The following KANSL1 variants were observed in gnomAD, a reference collection of about 807,000 sequenced individuals.
KANSL1 encodes KAT8 regulatory NSL complex subunit 1, also known as MLL1/MLL complex subunit KANSL1.
A neutral mutation model predicts 103.6 loss-of-function variants in KANSL1; 22 were observed. That is an observed-to-expected ratio of 0.21 (90% CI 0.15 to 0.30). The LOEUF is 0.30. KANSL1 is among the 10% of genes least tolerant of loss of function. The probability of loss-of-function intolerance (pLI) is 1.00; values close to 1 mark genes in which losing one functional copy is unlikely to be tolerated. For synonymous variants in KANSL1, 600 were observed against 527.6 expected (o/e 1.14, Z -1.88); for missense variants, 1,337 against 1,399.8 (o/e 0.96, Z 0.72).
At chr17:46,122,912 CCTCTT>C (rs752729106) in intron 2 of KANSL1, among the ~76,000 whole-genome samples, 4 of 152,220 alleles carry the variant, frequency 2.6e-5, no homozygotes, top group Admixed American at 6.5e-5. Context: ...CTCTCCCTCT[CCTCTT>C]GTTTCCCTAT....
At chr17:46,189,941 T>C (rs1318079020) in intron 1 of KANSL1, among the ~76,000 whole-genome samples, 1 of 149,182 alleles carries the variant, frequency 6.7e-6, no homozygotes, top group Non-Finnish European at 1.5e-5. Context: ...TTGCCTGATA[T>C]AACAAGGTAA....
rs71138522 is a variant in KANSL1, at chr17:46,074,763, C to CTAAATAAA, written c.1534-7104_1534-7097dup. Among the ~76,000 whole-genome samples, 1,319 of 142,606 alleles carry CTAAATAAA rather than the reference C, an allele frequency of 9.2e-3. 7 individuals are homozygous for CTAAATAAA. Among genetic ancestry groups the CTAAATAAA allele is most frequent in the East Asian group, 0.029 (141 of 4,822 alleles). 93.6% of individuals were successfully genotyped at this position (142,606 alleles called of 152,430 possible). ...TGGGTGACAAAGTGAGACCCTATCT[C>CTAAATAAA]TAAATAAATAAATAAATAAATAAAT... is the stretch of plus-strand genomic sequence containing the variant. On this transcript the variant is annotated intron_variant, in intron 4 of 14. Coordinates refer to ENST00000432791, the MANE Select transcript of KANSL1 (RefSeq NM_015443.4).
intron 3 of KANSL1, among the ~76,000 whole-genome samples, chr17:46,091,812 A>AGTATGTATGTATGTATGTATGTAGGTAT (rs149207902): frequency 0.14 from 20,670 of 151,260 alleles, 2,036 homozygotes; most frequent in Middle Eastern, 0.21. Flanking sequence ...TATATATGTA[A>AGTATGTATGTATGTATGTATGTAGGTAT]GTATGTATGT....
intron 2 of KANSL1, among the ~76,000 whole-genome samples, chr17:46,118,589 A>T (rs1011794839): frequency 6.6e-6 from 1 of 152,178 alleles, no homozygotes; most frequent in South Asian, 2.1e-4. Flanking sequence ...TTTCTAGCAG[A>T]TTTCTAGGTG....
intron 1 of KANSL1, among the ~76,000 whole-genome samples, chr17:46,185,692 TACACACACACACACACAC>T (rs58833932): frequency 4.2e-5 from 6 of 144,410 alleles, no homozygotes; most frequent in African/African-American, 1.1e-4. Context: ...CACACATATA[TACACACACACACACACAC>T]ACACACACAC....
chr17:46,146,556 G>A (rs979235780), intron 2 of KANSL1, among the ~76,000 whole-genome samples: 10 of 112,574 alleles, frequency 8.9e-5, no homozygotes, highest in East Asian at 3.9e-4. Context: ...AGTTGAGGCC[G>A]GGCGCGGTGG....
chr17:46,189,031 C>CAAAAAAAAAAAAAAA lies in KANSL1; in HGVS notation c.-90+3777_-90+3791dup, dbSNP rs57566816. On this transcript the variant is annotated intron_variant, in intron 1 of 14. Transcript: ENST00000432791. ...CTGGGCAACAGAGCAAAGATTGTCT[C>CAAAAAAAAAAAAAAA]AAAAAAAAAAAAAAAAAAAAAAAAA... is the stretch of plus-strand genomic sequence containing the variant. 3.5e-4 allele frequency among the ~76,000 whole-genome samples: 22 copies of CAAAAAAAAAAAAAAA among 62,382 alleles called. 5 individuals carry two copies. The highest frequency in any genetic ancestry group is 1.4e-3 in the East Asian group (2 of 1,382). 40.9% of individuals were successfully genotyped at this position (62,382 alleles called of 152,430 possible).
chr17:46,110,498 C>T (rs1039904440), intron 2 of KANSL1, among the ~76,000 whole-genome samples: 24 of 152,160 alleles, frequency 1.6e-4, no homozygotes, highest in African/African-American at 5.8e-4. Context: ...ACACCACTAA[C>T]AAGCAGAGCC....
rs140274998 is a variant in KANSL1, at chr17:46,109,151, T to G, written c.1290-14450A>C. Among the ~76,000 whole-genome samples, 98 of 152,306 alleles carry G rather than the reference T, an allele frequency of 6.4e-4. No homozygotes were observed. The East Asian group carries it at 0.017, about 26-fold the overall frequency. ...TTCATAGAAATGGAGCCTCACGATG[T>G]TGCCCAGGCTGGTCTCAAACTCCTA... On this transcript the variant is annotated intron_variant, in intron 2 of 14. Coordinates refer to ENST00000432791, the MANE Select transcript of KANSL1 (RefSeq NM_015443.4).
At chr17:46,158,654 C>T (rs1489186944) in intron 2 of KANSL1, among the ~76,000 whole-genome samples, 2 of 152,242 alleles carry the variant, frequency 1.3e-5, no homozygotes, top group Non-Finnish European at 2.9e-5. Flanking sequence ...GATTCTCCTG[C>T]CTCAGCGTCC....
At chr17:46,092,011 G>C (rs62061770) in intron 3 of KANSL1, among the ~76,000 whole-genome samples, 21,632 of 151,844 alleles carry the variant, frequency 0.14, 2,122 homozygotes, top group Non-Finnish European at 0.22. Flanking sequence ...TAGAGACAGG[G>C]GTTTCACCAT....
intron 2 of KANSL1, among the ~76,000 whole-genome samples, chr17:46,122,822 CCG>C (rs1277361893): frequency 2.6e-5 from 4 of 152,190 alleles, no homozygotes; most frequent in Admixed American, 6.5e-5. Flanking sequence ...GTACCACGAA[CCG>C]CACCCATAAA....
chr17:46,164,360 A>G (rs34330925), intron 2 of KANSL1, among the ~76,000 whole-genome samples: 23,482 of 151,816 alleles, frequency 0.15, 2,647 homozygotes, highest in East Asian at 0.42. Flanking sequence ...TCTTCTCAGG[A>G]AAAAAATGAG....
chr17:46,166,881 C>CT (rs2046028090), intron 2 of KANSL1, among the ~76,000 whole-genome samples: 2 of 152,086 alleles, frequency 1.3e-5, no homozygotes, highest in African/African-American at 4.8e-5. Flanking sequence ...TCCCTGAGGT[C>CT]TTTATAAAGA....
At chr17:46,186,031 G>GTT (rs1200922439) in intron 1 of KANSL1, among the ~76,000 whole-genome samples, 1 of 152,156 alleles carries the variant, frequency 6.6e-6, no homozygotes, top group African/African-American at 2.4e-5. Context: ...AATGGTTGGT[G>GTT]TAAGTGCTCC....
chr17:46,096,311 C>CTTT lies in KANSL1; in HGVS notation c.1290-1613_1290-1611dup, dbSNP rs71138525. Among the ~76,000 whole-genome samples, 254 of 76,366 alleles carry CTTT rather than the reference C, an allele frequency of 3.3e-3. 10 individuals carry two copies. The highest frequency in any genetic ancestry group is 8.7e-3 in the African/African-American group (156 of 17,830). 50.1% of individuals were successfully genotyped at this position (76,366 alleles called of 152,430 possible). On this transcript the variant is annotated intron_variant, in intron 2 of 14. Coordinates refer to ENST00000432791, the MANE Select transcript of KANSL1 (RefSeq NM_015443.4). ...CATACTACATACCTGGCTTTTTTTT[C>CTTT]TTTTTTTTTTTTTTTTTTTTTGAGA...
intron 8 of KANSL1, 175 bp downstream of exon 8, chr17:46,039,527 C>T (rs867261416): frequency 9.8e-6 from 7 of 710,954 alleles, no homozygotes; most frequent in Middle Eastern, 4.0e-4. Flanking sequence ...GAATAGCTCC[C>T]GAAGTCCATC....
At position 46,192,917 on chromosome 17, in the gene KANSL1, G is replaced by T. The variant is rs529742338; in HGVS notation, c.-184C>A. ...CCGGCCTGGGCGCCGAGGGCCAGCG[G>T]CGGGCGGGGGCGCGCGACGGCGGCT... On this transcript the variant is annotated 5_prime_UTR_variant, in exon 1 of 15. Coordinates refer to ENST00000432791, the MANE Select transcript of KANSL1 (RefSeq NM_015443.4). 6.6e-6 allele frequency: 1 copy of T among 151,518 alleles called. No homozygotes were observed. The highest frequency in any genetic ancestry group is 2.4e-5 in the African/African-American group (1 of 41,418). 9.4% of individuals were successfully genotyped at this position (151,518 alleles called of 1,614,324 possible). A position where few individuals can be genotyped will look rare whatever the true frequency, so the allele number is the denominator to read the frequency against.
At chr17:46,206,813 A>G (rs1027937671) in intron 1 of KANSL1, among the ~76,000 whole-genome samples, 1 of 152,232 alleles carries the variant, frequency 6.6e-6, no homozygotes, top group African/African-American at 2.4e-5. Flanking sequence ...AAAACAAGTA[A>G]ATTTGGCTTC....
Sources: allele counts gnomAD v4.1 joint callset (sites outside exome capture counted in the v4.1 genomes callset), GRCh38; gene constraint gnomAD v4.1.1; transcripts MANE v1.5; gene names NCBI Gene and HGNC (gene_info 2026-07-23, HGNC 2026-07-21).